The following SPART variants were observed in gnomAD, a reference collection of about 807,000 sequenced individuals.
SPART encodes spartin, also known as spastic paraplegia 20 (Troyer syndrome).
In SPART, 35 loss-of-function variants were observed where a neutral mutation model predicts 58.7. The ratio of observed to expected loss-of-function variants is 0.60; its 90% CI spans 0.46 to 0.79. The LOEUF is 0.79. Ranked by LOEUF, SPART falls within the 30% of genes least tolerant of loss-of-function variation. The probability of loss-of-function intolerance (pLI) is 0.00; values close to 1 mark genes in which losing one functional copy is unlikely to be tolerated. For synonymous variants in SPART, 284 were observed against 280.7 expected, an observed-to-expected ratio of 1.01 and a Z score of -0.12; for missense variants, 730 against 786.1, an observed-to-expected ratio of 0.93 and a Z score of 0.85.
upstream of SPART, among the ~76,000 whole-genome samples, chr13:36,350,759 T>C (rs1366433592): frequency 6.6e-6 from 1 of 152,326 alleles, no homozygotes; most frequent in African/African-American, 2.4e-5. Context: ...CATGGCACTT[T>C]TGGGGCTTTT....
chr13:36,317,015 C>G (rs9547244), intron 5 of SPART, among the ~76,000 whole-genome samples: 36,501 of 152,130 alleles, frequency 0.24, 4,852 homozygotes, highest in East Asian at 0.51. Context: ...TCTCCCTTCT[C>G]TTAATTTCAA....
chr13:36,368,652 A>G (rs1019062737), intron 1 of SPART, among the ~76,000 whole-genome samples: 1 of 152,206 alleles, frequency 6.6e-6, no homozygotes, highest in African/African-American at 2.4e-5. Context: ...ACTAAAGCTA[A>G]CATTAAAAAT....
intron 1 of SPART, among the ~76,000 whole-genome samples, chr13:36,356,196 C>G (rs1283547579): frequency 1.3e-5 from 2 of 152,192 alleles, no homozygotes; most frequent in Non-Finnish European, 2.9e-5. Context: ...GGTGTTGACT[C>G]AAGCCTTTGT....
chr13:36,323,499 T>A (rs1882623759), intron 5 of SPART, among the ~76,000 whole-genome samples: 1 of 152,232 alleles, frequency 6.6e-6, no homozygotes, highest in African/African-American at 2.4e-5. Flanking sequence ...AACCTCAGAC[T>A]AGCTTTTAGT....
intron 4 of SPART, among the ~76,000 whole-genome samples, chr13:36,329,019 T>A (rs1883210381): frequency 1.3e-5 from 2 of 152,140 alleles, no homozygotes; most frequent in African/African-American, 2.4e-5. Context: ...GAGGATCACA[T>A]GAGCCTGGGA....
intron 1 of SPART, among the ~76,000 whole-genome samples, chr13:36,359,229 T>C (rs893773173): frequency 2.6e-5 from 4 of 152,156 alleles, no homozygotes; most frequent in African/African-American, 4.8e-5. Flanking sequence ...CCCCACAAAA[T>C]TATATGGAGT....
intron 1 of SPART, chr13:36,368,396 G>T (rs1056850): frequency 0.7 from 111,797 of 160,040 alleles, 39,255 homozygotes; most frequent in East Asian, 0.81. Flanking sequence ...AATAAAATAC[G>T]CTCCAAAATT....
intron 3 of SPART, among the ~76,000 whole-genome samples, chr13:36,330,086 A>G (rs1883321244): frequency 6.6e-6 from 1 of 152,226 alleles, no homozygotes; most frequent in Non-Finnish European, 1.5e-5. Context: ...TAAATTGAAG[A>G]CAGAAAATAA....
chr13:36,307,153 C>T (rs1356322110), intron 8 of SPART, among the ~76,000 whole-genome samples: 1 of 152,030 alleles, frequency 6.6e-6, no homozygotes, highest in African/African-American at 2.4e-5. Flanking sequence ...TATTTTTGAT[C>T]TCTTATTTTT....
intron 1 of SPART, among the ~76,000 whole-genome samples, chr13:36,365,020 C>T (rs1886003549): frequency 6.6e-6 from 1 of 152,134 alleles, no homozygotes; most frequent in Non-Finnish European, 1.5e-5. Flanking sequence ...TGCATGACTC[C>T]TTGGCTGTCT....
At chr13:36,358,949 C>G (rs1163329860) in intron 1 of SPART, among the ~76,000 whole-genome samples, 4 of 151,968 alleles carry the variant, frequency 2.6e-5, no homozygotes, top group Admixed American at 2.6e-4. Context: ...TTTTGGGGGG[C>G]CAAGTGGAAG....
At chr13:36,349,604 C>A (rs1166302660), upstream of SPART, among the ~76,000 whole-genome samples, 2 of 152,188 alleles carry the variant, frequency 1.3e-5, no homozygotes, top group South Asian at 4.1e-4. Flanking sequence ...TGGTCAAAAC[C>A]TGTATTAGTG....
At chr13:36,307,387 T>C (rs1175296083) in intron 8 of SPART, among the ~76,000 whole-genome samples, 3 of 152,132 alleles carry the variant, frequency 2.0e-5, no homozygotes, top group Non-Finnish European at 4.4e-5. Flanking sequence ...CTTCATCCAG[T>C]GCAAATTTAG....
intron 8 of SPART, among the ~76,000 whole-genome samples, chr13:36,310,935 T>C (rs1008818556): frequency 6.6e-6 from 1 of 152,108 alleles, no homozygotes; most frequent in East Asian, 1.9e-4. Context: ...CATACCGCTC[T>C]TCTCTCAAGG....
rs944126019 is a variant in SPART at position 36,368,867 on chromosome 13, C to T, written c.-3+1222G>A. Among the ~76,000 whole-genome samples the T allele has an allele frequency of 7.9e-5, 12 of 152,064 alleles. No homozygotes were observed. The East Asian group carries it at 1.4e-3, about 17-fold the overall frequency. On this transcript the variant is annotated intron_variant, in intron 1 of 8. Coordinates refer to the SPART transcript ENST00000355182. ...TACAAAAATTAGCTGGGTGTGGTAG[C>T]GCTTGCCTGTAATCCCAGCTACTCG...
chr13:36,304,230 T>C lies in SPART; in HGVS notation c.*135A>G. 9.4e-7 allele frequency: 1 copy of C among 1,068,494 alleles called. No homozygotes were observed. The highest frequency in any genetic ancestry group is 1.4e-6 in the Non-Finnish European group (1 of 716,778). The allele number at this position is 1,068,494 out of a possible 1,614,324, so 66.2% of individuals were successfully genotyped here. ...TTTAAATAGAAGACATGCCATAAAATTTATGAAAGTTAATTTGTAGGAATG... is the reference window on the plus strand; with the variant it reads ...TTTAAATAGAAGACATGCCATAAAACTTATGAAAGTTAATTTGTAGGAATG... On this transcript the variant is annotated 3_prime_UTR_variant, in exon 9 of 9. Transcript: ENST00000438666.
chr13:36,328,613 A>C (rs1883177624), intron 4 of SPART, among the ~76,000 whole-genome samples: 2 of 152,222 alleles, frequency 1.3e-5, no homozygotes, highest in Admixed American at 6.5e-5. Flanking sequence ...AAATTCATTG[A>C]GACAAGAAAT....
rs568513312 is a variant in SPART at position 36,343,301 on chromosome 13, T to G, written c.-3+2924A>C. Among the ~76,000 whole-genome samples the G allele has an allele frequency of 2.0e-5, 3 of 152,220 alleles. No individual in the cohort carries two copies. The South Asian group carries it at 6.2e-4, about 32-fold the overall frequency. ...AATAAAAAGCTTTCAAGCATAAAAA[T>G]GCATTACCTTAAGATAATATTCTGT... is the stretch of plus-strand genomic sequence containing the variant. On this transcript the variant is annotated intron_variant, in intron 1 of 8. Coordinates refer to ENST00000438666, the MANE Select transcript of SPART (RefSeq NM_015087.5).
chr13:36,346,076 ATC>A (rs999316404), intron 1 of SPART, 147 bp downstream of exon 1: 13 of 152,124 alleles, frequency 8.5e-5, no homozygotes, highest in African/African-American at 2.9e-4. Context: ...CGAAAATTCC[ATC>A]TCTGAGACTC....
Sources: gnomAD v4.1 joint callset for allele counts (sites outside exome capture counted in the v4.1 genomes callset) on GRCh38, gnomAD v4.1.1 for gene constraint, MANE v1.5 for transcripts, NCBI Gene and HGNC (gene_info 2026-07-23, HGNC 2026-07-21) for gene names.